PCSK2: variants seen among roughly 807,000 people sequenced by gnomAD.
The protein encoded by PCSK2 is proprotein convertase subtilisin/kexin type 2.
Under a neutral mutation model 69.7 loss-of-function variants are expected in PCSK2, and 14 were observed. That is an observed-to-expected ratio of 0.20 (90% CI 0.13 to 0.31). PCSK2 has a LOEUF of 0.31. PCSK2 is among the 10% of genes least tolerant of loss of function. PCSK2 has a pLI of 1.00. For missense variants in PCSK2, 544 were observed against 842.5 expected (o/e 0.65, Z 4.39); for synonymous variants, 307 against 320.7 (o/e 0.96, Z 0.46).
rs118108926 is a variant in PCSK2 at position 17,460,121 on chromosome 20, C to T, written c.1202+3673C>T. On this transcript the variant is annotated intron_variant, in intron 10 of 11. Coordinates refer to ENST00000262545, the MANE Select transcript of PCSK2 (RefSeq NM_002594.5). ...TCTAGCTTTCTGCTCCTTTGCTCTG[C>T]CACTTTCATGTTCTCTAGACGTGCT... Among the ~76,000 whole-genome samples the T allele has an allele frequency of 3.8e-4, 58 of 152,266 alleles. 2 individuals are homozygous for T. In the East Asian group the frequency reaches 0.011, roughly 28 times the overall value.
chr20:17,331,242 T>A (rs1279857930), intron 2 of PCSK2, among the ~76,000 whole-genome samples: 2 of 152,236 alleles, frequency 1.3e-5, no homozygotes, highest in Non-Finnish European at 1.5e-5. Context: ...TCATAAAGTA[T>A]GTAAAAGAAT....
chr20:17,258,229 A>G (rs2122992951), intron 1 of PCSK2, among the ~76,000 whole-genome samples: 1 of 152,226 alleles, frequency 6.6e-6, no homozygotes, highest in East Asian at 1.9e-4. Context: ...GCTATGAAGA[A>G]GAGGATGGTC....
At chr20:17,324,420 C>T (rs536770739) in intron 2 of PCSK2, among the ~76,000 whole-genome samples, 7 of 152,218 alleles carry the variant, frequency 4.6e-5, no homozygotes, top group Admixed American at 3.9e-4. Flanking sequence ...TTAGGTTTAA[C>T]AACAGAAGTA....
At chr20:17,448,517 C>T (rs1393470779) in intron 8 of PCSK2, among the ~76,000 whole-genome samples, 4 of 152,240 alleles carry the variant, frequency 2.6e-5, no homozygotes, top group East Asian at 1.9e-4. Context: ...CCAGCAAGTT[C>T]CAACTCACTG....
chr20:17,413,673 C>T (rs918230209), intron 6 of PCSK2, among the ~76,000 whole-genome samples: 3 of 152,186 alleles, frequency 2.0e-5, no homozygotes, highest in Admixed American at 1.3e-4. Flanking sequence ...AGCTCTGGAC[C>T]AAGTGGACCT....
intron 5 of PCSK2, among the ~76,000 whole-genome samples, chr20:17,402,849 C>T (rs1203062516): frequency 1.3e-5 from 2 of 151,410 alleles, no homozygotes; most frequent in Admixed American, 1.3e-4. Context: ...CCCAGCTACT[C>T]GGGAGGCTGA....
At chr20:17,371,081 T>C (rs2030746850) in intron 5 of PCSK2, among the ~76,000 whole-genome samples, 1 of 152,102 alleles carries the variant, frequency 6.6e-6, no homozygotes, top group African/African-American at 2.4e-5. Context: ...CAAACCATAC[T>C]TGGGGAAACA....
At chr20:17,332,049 C>T (rs1358718325) in intron 2 of PCSK2, among the ~76,000 whole-genome samples, 3 of 152,136 alleles carry the variant, frequency 2.0e-5, no homozygotes, top group African/African-American at 7.2e-5. Flanking sequence ...GAACCCTTTA[C>T]ATTTGTTAAC....
At chr20:17,460,341 C>A (rs924910059) in intron 10 of PCSK2, among the ~76,000 whole-genome samples, 1 of 152,132 alleles carries the variant, frequency 6.6e-6, no homozygotes, top group Non-Finnish European at 1.5e-5. Flanking sequence ...TTCCAAGGAG[C>A]CCCACCCAGT....
intron 1 of PCSK2, among the ~76,000 whole-genome samples, chr20:17,255,146 G>A (rs1358886811): frequency 2.0e-5 from 3 of 152,050 alleles, no homozygotes; most frequent in African/African-American, 7.2e-5. Flanking sequence ...CAATCTTGAT[G>A]CCTTTATTTC....
chr20:17,437,992 C>A (rs8124943), intron 8 of PCSK2, among the ~76,000 whole-genome samples: 2,946 of 151,428 alleles, frequency 0.019, 41 homozygotes, highest in Non-Finnish European at 0.031. Context: ...AGTTCCCCCC[C>A]ACCCACACCG....
chr20:17,320,761 G>C (rs1600488650), intron 2 of PCSK2, among the ~76,000 whole-genome samples: 1 of 152,314 alleles, frequency 6.6e-6, no homozygotes, highest in East Asian at 1.9e-4. Context: ...TAGTGAGTCA[G>C]AGAAAAGCCT....
At chr20:17,381,537 A>T (rs2031087125) in intron 5 of PCSK2, among the ~76,000 whole-genome samples, 1 of 152,240 alleles carries the variant, frequency 6.6e-6, no homozygotes, top group African/African-American at 2.4e-5. Flanking sequence ...AGCCAAAAAA[A>T]AAATGCGTTG....
intron 8 of PCSK2, among the ~76,000 whole-genome samples, chr20:17,437,321 A>G (rs763302495): frequency 2.0e-5 from 3 of 152,172 alleles, no homozygotes; most frequent in Non-Finnish European, 4.4e-5. Flanking sequence ...TATGACCACA[A>G]TGCTCGTGGG....
intron 8 of PCSK2, among the ~76,000 whole-genome samples, chr20:17,450,017 C>T (rs1383690712): frequency 2.0e-3 from 121 of 61,826 alleles, no homozygotes; most frequent in South Asian, 2.4e-3. Context: ...AATTTCTTCC[C>T]TTTTTTTTTT....
chr20:17,419,896 T>A (rs1207155478), intron 6 of PCSK2, among the ~76,000 whole-genome samples: 1 of 152,238 alleles, frequency 6.6e-6, no homozygotes, highest in African/African-American at 2.4e-5. Flanking sequence ...GGACGCAGCA[T>A]ACTCTATCTA....
At chr20:17,355,474 G>T (rs115684128) in intron 2 of PCSK2, among the ~76,000 whole-genome samples, 2,395 of 152,288 alleles carry the variant, frequency 0.016, 63 homozygotes, top group African/African-American at 0.054. Context: ...AATGGGAAGA[G>T]GCAATGGCCA....
In PCSK2 at chr20:17,465,286, T is replaced by C. The variant is rs746452747; in HGVS notation, c.1203-40T>C. 5.6e-6 allele frequency: 8 copies of C among 1,429,236 alleles called. No homozygotes were observed. The Admixed American group carries it at 1.0e-4, about 18-fold the overall frequency. 88.5% of individuals were successfully genotyped at this position (1,429,236 alleles called of 1,614,324 possible). A position where few individuals can be genotyped will look rare whatever the true frequency, so the allele number is the denominator to read the frequency against. On this transcript the variant is annotated intron_variant, in intron 10 of 11. Transcript: ENST00000262545. Reference sequence around the variant, plus strand: ...GCCTCTCTCCCTCTCTCACCCTGCCTTTTGCCCTTGCCCTCTTGCTCTCTG... The same window carrying C: ...GCCTCTCTCCCTCTCTCACCCTGCCCTTTGCCCTTGCCCTCTTGCTCTCTG...
In PCSK2 at chr20:17,431,662, C is replaced by G. The variant is rs116808432; in HGVS notation, c.709+2139C>G. Among the ~76,000 whole-genome samples, 434 of 152,312 alleles carry G rather than the reference C, an allele frequency of 2.8e-3. 3 individuals carry two copies. Among genetic ancestry groups the G allele is most frequent in the African/African-American group, 0.01 (416 of 41,550 alleles). ...ACGCTGGTTCTAACTACAAGGGCTG[C>G]GAGGCTCCAGTCCCATGCCTGTGCC... On this transcript the variant is annotated intron_variant, in intron 7 of 11. Coordinates refer to ENST00000262545, the MANE Select transcript of PCSK2 (RefSeq NM_002594.5).
Sources: gnomAD v4.1 joint callset for allele counts (sites outside exome capture counted in the v4.1 genomes callset) on GRCh38, gnomAD v4.1.1 for gene constraint, MANE v1.5 for transcripts, NCBI Gene and HGNC (gene_info 2026-07-23, HGNC 2026-07-21) for gene names.